Variants in SPAG9 observed in about 807,000 individuals in gnomAD.
SPAG9 encodes the protein C-Jun-amino-terminal kinase-interacting protein 4.
SPAG9 carries 35 observed loss-of-function variants against 166.5 expected under a neutral mutation model. The ratio of observed to expected loss-of-function variants is 0.21; its 90% confidence interval spans 0.16 to 0.28. The LOEUF is 0.28. Ranked by LOEUF, SPAG9 falls within the 10% of genes least tolerant of loss-of-function variation. The pLI, the probability that SPAG9 is intolerant of heterozygous loss-of-function variation, is 1.00. For missense variants in SPAG9, 1,235 were observed against 1,603.3 expected (o/e 0.77, Z 3.92); for synonymous variants, 534 against 565.5 (o/e 0.94, Z 0.79).
chr17:50,993,980 A>G (rs912152777), intron 18 of SPAG9, 45 bp from the exon 19 acceptor site: 1 of 1,517,026 alleles, frequency 6.6e-7, no homozygotes, highest in Admixed American at 1.7e-5. Flanking sequence ...ATATGTATGT[A>G]CAAATATTCA....
intron 1 of SPAG9, among the ~76,000 whole-genome samples, chr17:51,114,727 G>C (rs571464261): frequency 6.6e-6 from 1 of 152,312 alleles, no homozygotes; most frequent in East Asian, 1.9e-4. Context: ...TGAGGCAGAT[G>C]AATCACTTGA....
chr17:51,045,741 T>C (rs2144437756), intron 4 of SPAG9, among the ~76,000 whole-genome samples: 1 of 152,172 alleles, frequency 6.6e-6, no homozygotes. Flanking sequence ...GCCTCTAAAA[T>C]ACAGAAGATG....
intron 2 of SPAG9, among the ~76,000 whole-genome samples, chr17:51,057,711 C>T (rs907198351): frequency 3.3e-5 from 5 of 152,128 alleles, no homozygotes; most frequent in Non-Finnish European, 1.5e-5. Context: ...GCTTATGTGT[C>T]GCTGGCTCAT....
rs1974740258 is a variant in SPAG9 at position 50,982,592 on chromosome 17, G to A, written c.3169C>T (p.His1057Tyr). 6.2e-7 allele frequency: 1 copy of A among 1,613,900 alleles called. No homozygotes were observed. The highest frequency in any genetic ancestry group is 1.7e-5 in the Admixed American group (1 of 59,976). The change falls in exon 25 of 30, where the codon CAT (histidine) becomes TAT (tyrosine). Residue 1057 changes from histidine to tyrosine, a missense_variant. His to Tyr is a moderately conservative substitution (Grantham distance 83). Around this residue, in one of 6 missense-constraint regions of SPAG9, gnomAD observed 243 missense variants for 358.6 expected, o/e 0.68. Coordinates refer to ENST00000262013, the MANE Select transcript of SPAG9 (RefSeq NM_001130528.3). ...HHSIRCMTVV[H>Y]DKVWCGYRNK... Reference sequence around the variant, plus strand: ...CTATAGCCACACCAGACTTTGTCATGTACCACAGTCATGCAACGGATGGAA... The same window carrying A: ...CTATAGCCACACCAGACTTTGTCATATACCACAGTCATGCAACGGATGGAA...
rs1313188396 is a variant in SPAG9 at position 51,120,528 on chromosome 17, G to A, written c.129C>T (p.Asp43=). The A allele has an allele frequency of 2.5e-6, 4 of 1,613,798 alleles. No individual in the cohort carries two copies. The highest frequency in any genetic ancestry group is 2.7e-5 in the African/African-American group (2 of 74,886). The change falls in exon 1 of 30, where the codon GAC becomes GAT. Residue 43 remains aspartate (D), a synonymous_variant. Transcript: ENST00000262013. The surrounding 1 kb of genome is among the most constrained non-coding windows in gnomAD (Gnocchi z 4.7). ...REFERLIGRY[D]EEVVKELMPL... is the part of the protein sequence containing the mutation. ...GCATCAGCTCTTTGACCACCTCCTCGTCATAGCGCCCGATAAGCCGCTCGA... is the reference window on the plus strand; with the variant it reads ...GCATCAGCTCTTTGACCACCTCCTCATCATAGCGCCCGATAAGCCGCTCGA...
chr17:51,068,065 T>C (rs1314782404), intron 2 of SPAG9, among the ~76,000 whole-genome samples: 1 of 152,208 alleles, frequency 6.6e-6, no homozygotes, highest in Non-Finnish European at 1.5e-5. Context: ...ATCCAACTCA[T>C]TATTTGCCTT....
intron 11 of SPAG9, 50 bp downstream of exon 11, chr17:51,006,035 T>A: frequency 6.3e-7 from 1 of 1,594,186 alleles, no homozygotes; most frequent in Non-Finnish European, 8.6e-7. Flanking sequence ...TAACCCTTTG[T>A]GGCATAACTG....
At chr17:51,094,335 T>C (rs569885907) in intron 1 of SPAG9, among the ~76,000 whole-genome samples, 1 of 152,230 alleles carries the variant, frequency 6.6e-6, no homozygotes, top group East Asian at 1.9e-4. Flanking sequence ...GAAATAAAAA[T>C]GGGACTCTGA....
In SPAG9 at chr17:50,993,442, T is replaced by C. The variant is rs549838072; in HGVS notation, c.2398+322A>G. Among the ~76,000 whole-genome samples the C allele has an allele frequency of 2.0e-5, 3 of 152,310 alleles. No individual in the cohort carries two copies. The South Asian group carries it at 6.2e-4, about 32-fold the overall frequency. On this transcript the variant is annotated intron_variant, in intron 19 of 29. Transcript: ENST00000262013. ...TATGGATATATCACATACACTTCTT[T>C]AATTTTTAAACTAATGTTTTAACAT...
intron 5 of SPAG9, among the ~76,000 whole-genome samples, chr17:51,036,143 CT>C (rs1255885935): frequency 6.6e-6 from 1 of 152,162 alleles, no homozygotes; most frequent in East Asian, 1.9e-4. Context: ...TTGAACCCTT[CT>C]TGTAAGCATA....
chr17:51,034,162 T>C (rs2046491225), intron 5 of SPAG9, among the ~76,000 whole-genome samples: 2 of 152,240 alleles, frequency 1.3e-5, no homozygotes, highest in Admixed American at 1.3e-4. Flanking sequence ...CCTTATCCAC[T>C]GTCATAAACA....
At chr17:51,005,076 C>T (rs2045145707) in intron 12 of SPAG9, 136 bp downstream of exon 12, 2 of 705,374 alleles carry the variant, frequency 2.8e-6, no homozygotes, top group African/African-American at 1.8e-5. Context: ...ATGAGCTATC[C>T]TATTCATGAC....
chr17:50,991,367 A>G (rs1270778838), intron 19 of SPAG9, among the ~76,000 whole-genome samples: 1 of 152,148 alleles, frequency 6.6e-6, no homozygotes, highest in African/African-American at 2.4e-5. Flanking sequence ...CCCCAAGTAT[A>G]TAGGTTGATT....
chr17:51,080,506 C>T (rs530378309), intron 1 of SPAG9, among the ~76,000 whole-genome samples: 46 of 152,238 alleles, frequency 3.0e-4, no homozygotes, highest in African/African-American at 1.1e-3. Flanking sequence ...CTGACAACTT[C>T]TGAATTTCTA....
chr17:51,064,590 CAA>C (rs896567796), intron 2 of SPAG9, among the ~76,000 whole-genome samples: 14 of 152,126 alleles, frequency 9.2e-5, no homozygotes, highest in African/African-American at 3.4e-4. Context: ...AAGCCAGTCA[CAA>C]AAGACCATAT....
chr17:51,093,543 A>C (rs1273744937), intron 1 of SPAG9, among the ~76,000 whole-genome samples: 1 of 151,848 alleles, frequency 6.6e-6, no homozygotes, highest in African/African-American at 2.4e-5. Context: ...TCTACTAAAA[A>C]AATCAGCCAG....
At chr17:50,989,964 C>A (rs1975394267) in intron 20 of SPAG9, 92 bp from the exon 21 acceptor site, 8 of 1,003,570 alleles carry the variant, frequency 8.0e-6, no homozygotes, top group Non-Finnish European at 9.5e-6. Flanking sequence ...TCCATTCCAT[C>A]TACCCACTCC....
chr17:51,119,990 G>C (rs1394762439), intron 1 of SPAG9, among the ~76,000 whole-genome samples: 2 of 152,176 alleles, frequency 1.3e-5, no homozygotes, highest in East Asian at 3.8e-4. Flanking sequence ...GTAAAACTTT[G>C]AACCGCCATC....
At chr17:51,040,533 T>C (rs2046798636) in intron 5 of SPAG9, 1 of 152,182 alleles carries the variant, frequency 6.6e-6, no homozygotes, top group Admixed American at 6.5e-5. Flanking sequence ...CCTTCTAACA[T>C]CTAAAACAAA....
Sources: gnomAD v4.1 joint callset for allele counts (sites outside exome capture counted in the v4.1 genomes callset) on GRCh38, gnomAD v4.1.1 for gene constraint, gnomAD v4.1.1 regional missense constraint, Gnocchi (gnomAD v3.1) non-coding constraint, MANE v1.5 for transcripts, NCBI Gene and HGNC (gene_info 2026-07-23, HGNC 2026-07-21) for gene names.